Variants in VWA3B observed in about 807,000 individuals in gnomAD.
VWA3B encodes the protein von Willebrand factor A domain-containing protein 3B.
A neutral mutation model predicts 158.3 loss-of-function variants in VWA3B; 138 were observed. The ratio of observed to expected loss-of-function variants is 0.87; its 90% confidence interval spans 0.76 to 1.00. The LOEUF (loss-of-function observed/expected upper bound fraction) is 1.00. VWA3B is among the 50% of genes least tolerant of loss of function. The pLI is 0.00. For missense variants in VWA3B, 1,555 were observed against 1,565.1 expected (o/e 0.99, Z 0.11); for synonymous variants, 596 against 587.3 (o/e 1.01, Z -0.21).
chr2:98,162,864 A>C lies in VWA3B; in HGVS notation c.1002A>C (p.Arg334Ser), dbSNP rs1488579768. 6.2e-7 allele frequency: 1 copy of C among 1,613,686 alleles called. No individual in the cohort carries two copies. ...CTCCCCTTTTAGGAGCTGGAGTCAG[A>C]GAGGACGTGTTTCTCGTTTGGCAAG... is the stretch of plus-strand genomic sequence containing the variant. The part of the protein sequence containing the change: ...KGKLPPGAGV[R>S]EDVFLVWQEM... The change falls in exon 8 of 28, where the codon AGA (arginine) becomes AGC (serine). Residue 334 changes from arginine (R) to serine (S), a missense_variant. Coordinates refer to ENST00000477737, the MANE Select transcript of VWA3B (RefSeq NM_144992.5).
At chr2:98,254,718 G>A (rs772536459) in intron 20 of VWA3B, among the ~76,000 whole-genome samples, 3 of 152,190 alleles carry the variant, frequency 2.0e-5, no homozygotes, top group African/African-American at 4.8e-5. Flanking sequence ...CCACTTTACC[G>A]AAAAGTTGGG....
rs371849496 is a variant in VWA3B, at chr2:98,250,353, T to C, written c.2709T>C (p.Asn903=). ...FPLAHVCNDT[N]KMTLINPQGA... The stretch of plus-strand genomic sequence containing the variant: ...TGGCACATGTGTGCAACGACACAAA[T>C]AAGATGACATTAATTAACCCCCAAG... The change falls in exon 20 of 28, where the codon AAT becomes AAC. Residue 903 remains asparagine (N), a synonymous_variant. Coordinates refer to ENST00000477737, the MANE Select transcript of VWA3B (RefSeq NM_144992.5). 6 of 1,613,284 alleles carry C rather than the reference T, an allele frequency of 3.7e-6. No homozygotes were observed. In the African/African-American group the frequency reaches 8.0e-5, roughly 22 times the overall value.
the VWA3B span, among the ~76,000 whole-genome samples, chr2:98,320,416 A>G: frequency 6.6e-6 from 1 of 152,196 alleles, no homozygotes; most frequent in Non-Finnish European, 1.5e-5. Flanking sequence ...AAGATACCAG[A>G]AAATATGGAG....
At chr2:98,218,145 A>G (rs1684192147) in intron 14 of VWA3B, 117 bp downstream of exon 14, 4 of 1,156,558 alleles carry the variant, frequency 3.5e-6, no homozygotes, top group Non-Finnish European at 4.7e-6. Flanking sequence ...CTAAGTCAAA[A>G]AAATGAGTCG....
At chr2:98,300,761 C>A (rs543918581) in intron 25 of VWA3B, among the ~76,000 whole-genome samples, 1 of 152,234 alleles carries the variant, frequency 6.6e-6, no homozygotes, top group Non-Finnish European at 1.5e-5. Context: ...GCTGGGTCCT[C>A]CTGGAGCACT....
intron 3 of VWA3B, among the ~76,000 whole-genome samples, chr2:98,117,748 C>CTT (rs35080840): frequency 5.9e-5 from 7 of 119,466 alleles, no homozygotes; most frequent in East Asian, 2.3e-4. Flanking sequence ...CTTAAATTAC[C>CTT]TTTTTTTTTT....
In VWA3B at chr2:98,119,722, C is replaced by T. The variant is rs1674808156; in HGVS notation, c.501C>T (p.Leu167=). The T allele has an allele frequency of 6.2e-7, 1 of 1,614,006 alleles. No individual in the cohort carries two copies. Among genetic ancestry groups the T allele is most frequent in the Non-Finnish European group, 8.5e-7 (1 of 1,179,998 alleles). Reference sequence around the variant, plus strand: ...GCCGAGAGGCTCTAACAATGGTTCTCCAGGAGCAGGTGGCTCACATAACCG... The same window carrying T: ...GCCGAGAGGCTCTAACAATGGTTCTTCAGGAGCAGGTGGCTCACATAACCG... ...DLCREALTMV[L]QEQVAHITEF... Residue 167 remains leucine, a synonymous_variant, in exon 4 of 28, where the codon CTC becomes CTT. Transcript: ENST00000477737.
At chr2:98,293,464 C>T (rs1046784234) in intron 23 of VWA3B, among the ~76,000 whole-genome samples, 4 of 152,144 alleles carry the variant, frequency 2.6e-5, no homozygotes, top group Non-Finnish European at 5.9e-5. Flanking sequence ...TGATCTTTTC[C>T]TTAACTGGGA....
Position 98,121,348 on chromosome 2 carries a change from G to A in VWA3B, c.592G>A (p.Glu198Lys), listed in dbSNP as rs763395159. 8.7e-6 allele frequency: 14 copies of A among 1,613,950 alleles called. No homozygotes were observed. Among genetic ancestry groups the A allele is most frequent in the East Asian group, 6.7e-5 (3 of 44,900 alleles). The change falls in exon 5 of 28, where the codon GAA (glutamate) becomes AAA (lysine). Residue 198 changes from glutamate (E) to lysine (K), a missense_variant. Coordinates refer to ENST00000477737, the MANE Select transcript of VWA3B (RefSeq NM_144992.5). Reference sequence around the variant, plus strand: ...GCAGGAAAATGCTACTCCTGTGACCGAACAGTCCATAGCTACTGCCATCAG... The same window carrying A: ...GCAGGAAAATGCTACTCCTGTGACCAAACAGTCCATAGCTACTGCCATCAG... ...KWQENATPVT[E>K]QSIATAISWV... is the part of the protein sequence containing the mutation.
At chr2:98,266,049 T>C (rs1276630110) in intron 21 of VWA3B, among the ~76,000 whole-genome samples, 1 of 149,484 alleles carries the variant, frequency 6.7e-6, no homozygotes, top group African/African-American at 2.5e-5. Flanking sequence ...TTTAGTTTAA[T>C]TAGATCCCAT....
chr2:98,141,299 G>GTTTATTCT (rs1432298747), intron 7 of VWA3B, among the ~76,000 whole-genome samples: 1 of 152,190 alleles, frequency 6.6e-6, no homozygotes, highest in Admixed American at 6.5e-5. Context: ...AAGAAAAGAG[G>GTTTATTCT]TTTATTAGGC....
chr2:98,193,209 T>C (rs958710064), intron 11 of VWA3B, among the ~76,000 whole-genome samples, 173 bp downstream of exon 11: 10 of 152,256 alleles, frequency 6.6e-5, no homozygotes, highest in African/African-American at 2.4e-4. Context: ...ACCCTTTCTC[T>C]GGTGGATTCT....
chr2:98,189,533 GA>G lies in VWA3B; in HGVS notation c.1466+1414del, dbSNP rs747908756. Among the ~76,000 whole-genome samples, 633 of 148,802 alleles carry G rather than the reference GA, an allele frequency of 4.3e-3. 5 individuals are homozygous for G. Among genetic ancestry groups the G allele is most frequent in the African/African-American group, 0.013 (531 of 40,756 alleles). The stretch of plus-strand genomic sequence containing the variant: ...GACCTGTTTTGTAGTACAGATTTTG[GA>G]AAAAAAAAATATGGTTTTGTTGGGT... On this transcript the variant is annotated intron_variant, in intron 10 of 27. Transcript: ENST00000477737.
chr2:98,300,212 G>T lies in VWA3B; in HGVS notation c.3416G>T (p.Arg1139Leu), dbSNP rs201844623. The T allele has an allele frequency of 6.2e-7, 1 of 1,614,062 alleles. No individual in the cohort carries two copies. The change falls in exon 25 of 28, where the codon CGG (arginine) becomes CTG (leucine). Residue 1139 changes from arginine to leucine, a missense_variant. By Grantham distance (102) the Arg-to-Leu change is moderately radical. Transcript: ENST00000477737. ...TACACAGTTTTGAAGTGTAACAACCGGAGAGTAAGTAGATTTTCATTTAGA... is the reference window on the plus strand; with the variant it reads ...TACACAGTTTTGAAGTGTAACAACCTGAGAGTAAGTAGATTTTCATTTAGA... The part of the protein sequence containing the change: ...KFYTVLKCNN[R>L]REFCPRSALI...
intron 16 of VWA3B, among the ~76,000 whole-genome samples, chr2:98,234,175 T>C (rs1685519839): frequency 6.6e-6 from 1 of 152,228 alleles, no homozygotes. Context: ...GTTATCTAGG[T>C]GAGTCCAGTG....
chr2:98,128,923 A>G (rs1341178782), intron 6 of VWA3B, among the ~76,000 whole-genome samples: 2 of 149,980 alleles, frequency 1.3e-5, no homozygotes, highest in African/African-American at 4.9e-5. Context: ...CTTTCCCCTC[A>G]CTCCCTCTGC....
At chr2:98,088,475 C>T (rs1201576842) in intron 1 of VWA3B, among the ~76,000 whole-genome samples, 2 of 152,168 alleles carry the variant, frequency 1.3e-5, no homozygotes, top group Non-Finnish European at 2.9e-5. Flanking sequence ...CTATTTTCCC[C>T]AAAGCTTTGC....
chr2:98,237,685 C>T (rs1273751067), intron 19 of VWA3B, among the ~76,000 whole-genome samples: 4 of 152,158 alleles, frequency 2.6e-5, no homozygotes, highest in Non-Finnish European at 4.4e-5. Flanking sequence ...AACATGAAGA[C>T]GGAACCTCAG....
At chr2:98,179,285 T>G (rs1313415185) in intron 8 of VWA3B, 1 of 471,120 alleles carries the variant, frequency 2.1e-6, no homozygotes, top group African/African-American at 2.0e-5. Context: ...AATAGTTTTC[T>G]GCTTGTGTGA....
Sources: allele counts gnomAD v4.1 joint callset (sites outside exome capture counted in the v4.1 genomes callset), GRCh38; gene constraint gnomAD v4.1.1; transcripts MANE v1.5; gene names NCBI Gene and HGNC (gene_info 2026-07-23, HGNC 2026-07-21).